The following HAUS4 variants were observed in gnomAD, a reference collection of about 807,000 sequenced individuals.
HAUS4 encodes the protein HAUS augmin like complex subunit 4.
In HAUS4, 34 loss-of-function variants were observed where a neutral mutation model predicts 50.6. The ratio of observed to expected loss-of-function variants is 0.67; its 90% CI spans 0.51 to 0.90. The LOEUF is 0.90. Among genes scored for constraint, HAUS4 ranks in the 40% least tolerant of loss-of-function variants. The pLI is 0.00. For missense variants in HAUS4, 370 were observed against 428.7 expected, an observed-to-expected ratio of 0.86 and a Z score of 1.21; for synonymous variants, 149 against 161.4, an observed-to-expected ratio of 0.92 and a Z score of 0.58.
chr14:22,952,867 T>C (rs2044782105), intron 2 of HAUS4, among the ~76,000 whole-genome samples, 184 bp from the exon 3 acceptor site: 1 of 152,168 alleles, frequency 6.6e-6, no homozygotes, highest in Non-Finnish European at 1.5e-5. Flanking sequence ...GTAACAAGCA[T>C]TTATATTATA....
chr14:22,946,806 T>C, intron 9 of HAUS4, 98 bp from the exon 10 acceptor site: 1 of 784,386 alleles, frequency 1.3e-6, no homozygotes, highest in South Asian at 2.1e-5. Flanking sequence ...TTTTGTCAGA[T>C]GGAGTCTCGC....
rs376281728 is a variant in HAUS4, at chr14:22,947,624, G to A, written c.816C>T (p.Cys272=). Residue 272 remains cysteine, a synonymous_variant, in exon 8 of 10, where the codon TGC becomes TGT. Transcript: ENST00000541587. ...RINAQYLEVK[C]GAMILKLRME... is the part of the protein sequence containing the mutation. ...ACCTCAGCTTAAGGATCATAGCACC[G>A]CACTTGACTTCCAGGTACTGGGCAT... is the stretch of plus-strand genomic sequence containing the variant. The A allele has an allele frequency of 2.5e-5, 41 of 1,613,994 alleles. No individual in the cohort carries two copies. Among genetic ancestry groups the A allele is most frequent in the African/African-American group, 6.7e-5 (5 of 74,922 alleles).
At position 22,947,995 on chromosome 14, in the gene HAUS4, A is replaced by T. The variant is rs1296350034; in HGVS notation, c.581T>A (p.Val194Glu). ...DPNSDADSET[V>E]KAAKVWKLAE... ...GAGTTTCCACACCTTTGCTGCCTTC[A>T]CGGTTTCACTGTCAGCATCTGAGCA... Residue 194 changes from valine (V) to glutamate (E), a missense_variant, in exon 7 of 10, where the codon GTG becomes GAG. By Grantham distance (121) the Val-to-Glu change is moderately radical (BLOSUM62 -2). Transcript: ENST00000541587. 6.2e-7 allele frequency: 1 copy of T among 1,612,084 alleles called. No individual in the cohort carries two copies. The highest frequency in any genetic ancestry group is 8.5e-7 in the Non-Finnish European group (1 of 1,179,196).
intron 1 of HAUS4, 176 bp downstream of exon 1, chr14:22,956,740 C>A (rs2044873301): frequency 6.6e-6 from 1 of 152,570 alleles, no homozygotes; most frequent in Non-Finnish European, 1.5e-5. Context: ...AAGATATGAC[C>A]CTTACAGGGC....
intron 4 of HAUS4, 47 bp downstream of exon 4, chr14:22,952,281 G>A (rs1239823555): frequency 1.3e-5 from 20 of 1,525,026 alleles, no homozygotes; most frequent in Non-Finnish European, 1.7e-5. Context: ...GGCTCCCAAA[G>A]TGCTGGGATT....
chr14:22,948,405 G>T (rs1373135577), intron 6 of HAUS4, among the ~76,000 whole-genome samples: 1 of 118,350 alleles, frequency 8.4e-6, no homozygotes, highest in African/African-American at 3.2e-5. Context: ...AGGTGTGATT[G>T]TACCACTGCA....
Position 22,951,663 on chromosome 14 carries a change from C to T in HAUS4, c.357G>A (p.Leu119=). 1 of 1,613,480 alleles carries T rather than the reference C, an allele frequency of 6.2e-7. No homozygotes were observed. The highest frequency in any genetic ancestry group is 2.2e-5 in the East Asian group (1 of 44,870). Residue 119 remains leucine (L), a synonymous_variant, in exon 5 of 10, where the codon CTG becomes CTA. Transcript: ENST00000541587. ...KKFHETLEQR[L]LVTELMRLLG... is the part of the protein sequence containing the mutation. ...AGAGCCGCATCAGTTCAGTTACAAG[C>T]AGCCGCTGTTCAAGGGTCTCATGAA... is the stretch of plus-strand genomic sequence containing the variant.
intron 4 of HAUS4, 22 bp downstream of exon 4, chr14:22,952,306 C>T: frequency 1.2e-6 from 2 of 1,607,822 alleles, no homozygotes; most frequent in Non-Finnish European, 1.7e-6. Context: ...GTGTTAGCCA[C>T]CACGCCCAGC....
At chr14:22,951,051 A>G (rs573409289) in intron 5 of HAUS4, among the ~76,000 whole-genome samples, 1 of 152,164 alleles carries the variant, frequency 6.6e-6, no homozygotes, top group African/African-American at 2.4e-5. Flanking sequence ...CCCAGGCTGG[A>G]GTACAGTGGC....
intron 1 of HAUS4, among the ~76,000 whole-genome samples, chr14:22,955,882 T>TG (rs2044853842): frequency 6.6e-6 from 1 of 151,888 alleles, no homozygotes; most frequent in Admixed American, 6.6e-5. Context: ...TGCCAGAACA[T>TG]GGAGTGCGCT....
intron 2 of HAUS4, among the ~76,000 whole-genome samples, chr14:22,953,833 T>G (rs1290638668): frequency 4.0e-5 from 6 of 151,594 alleles, no homozygotes; most frequent in African/African-American, 1.5e-4. Context: ...GGTTTCACCT[T>G]GTTAGCCAGG....
At chr14:22,946,763 G>A in intron 9 of HAUS4, 55 bp from the exon 10 acceptor site, 1 of 1,224,710 alleles carries the variant, frequency 8.2e-7, no homozygotes, top group Non-Finnish European at 1.1e-6. Context: ...TCAGAAAGTA[G>A]TGGACAAAAA....
At chr14:22,949,547 A>AAAAGAGAT (rs1361119756) in intron 6 of HAUS4, among the ~76,000 whole-genome samples, 286 of 151,788 alleles carry the variant, frequency 1.9e-3, no homozygotes, top group Non-Finnish European at 2.8e-3. Context: ...AAAAAAAAAA[A>AAAAGAGAT]AAAGAGATAC....
Position 22,947,294 on chromosome 14 carries a change from G to A in HAUS4, c.840-55C>T, listed in dbSNP as rs949103245. On this transcript the variant is annotated intron_variant, in intron 8 of 9. Transcript: ENST00000541587. ...CAGGAAGGTCCCTGATAGCAGCAGGGTTGGGAATGGACGTAGTACCTGCCG... is the reference window on the plus strand; with the variant it reads ...CAGGAAGGTCCCTGATAGCAGCAGGATTGGGAATGGACGTAGTACCTGCCG... 2.1e-5 allele frequency: 25 copies of A among 1,210,932 alleles called. No individual in the cohort carries two copies. In the Middle Eastern group the frequency reaches 5.7e-4, roughly 28 times the overall value. 75.0% of individuals were successfully genotyped at this position (1,210,932 alleles called of 1,614,324 possible).
At chr14:22,954,819 A>G (rs914718902) in intron 2 of HAUS4, 37 of 286,504 alleles carry the variant, frequency 1.3e-4, no homozygotes, top group African/African-American at 8.6e-4. Flanking sequence ...TCCGCCTCCC[A>G]GGTTCACACC....
rs773513754 is a variant in HAUS4 at position 22,952,526 on chromosome 14, T to C, written c.198+15A>G. 2.1e-5 allele frequency: 34 copies of C among 1,612,382 alleles called. No individual in the cohort carries two copies. In the Admixed American group the frequency reaches 2.3e-4, roughly 11 times the overall value. ...GATTTTCCCTTCTTCTTATCTCTTC[T>C]CCCAAAGCCCTTACCTGAGCCTGCT... On this transcript the variant is annotated intron_variant, in intron 3 of 9. Coordinates refer to ENST00000541587, the MANE Select transcript of HAUS4 (RefSeq NM_001166269.2).
chr14:22,947,813 A>C (rs1160072190), intron 7 of HAUS4, 55 bp downstream of exon 7: 1 of 1,610,108 alleles, frequency 6.2e-7, no homozygotes, highest in Non-Finnish European at 8.5e-7. Context: ...GTCTTCCCCA[A>C]AAGTGCTCCT....
At position 22,947,035 on chromosome 14, in the gene HAUS4, C is replaced by T. The variant is rs911192220; in HGVS notation, c.908+136G>A. On this transcript the variant is annotated intron_variant, in intron 9 of 9. Transcript: ENST00000541587. The stretch of plus-strand genomic sequence containing the variant: ...CCTGACTCAAGCGAGCTGCCCACCT[C>T]GGCCTCCCAAAGTGCTGGGATTACA... 3.7e-5 allele frequency: 25 copies of T among 674,644 alleles called. No individual in the cohort carries two copies. In the Middle Eastern group the frequency reaches 7.3e-4, roughly 20 times the overall value. The allele number at this position is 674,644 out of a possible 1,614,324, so 41.8% of individuals were successfully genotyped here. A position where few individuals can be genotyped will look rare whatever the true frequency, so the allele number is the denominator to read the frequency against.
chr14:22,952,616 G>C lies in HAUS4; in HGVS notation c.123C>G (p.Ser41Arg), dbSNP rs2044775690. 5 of 1,613,674 alleles carry C rather than the reference G, an allele frequency of 3.1e-6. No homozygotes were observed. Among genetic ancestry groups the C allele is most frequent in the Non-Finnish European group, 4.2e-6 (5 of 1,179,802 alleles). The change falls in exon 3 of 10, where the codon AGC becomes AGG. Residue 41 changes from serine to arginine, a missense_variant. Ser to Arg is a moderately radical substitution (Grantham distance 110). Transcript: ENST00000541587. Reference protein sequence around the residue: ...KEDLLQNPYFSKLLLNLSQHV... With the variant: ...KEDLLQNPYFRKLLLNLSQHV... Reference sequence around the variant, plus strand: ...GCTGTGAGAGATTCAGGAGAAGCTTGCTGAAGTATGGGTTCTGTAACAGGT... The same window carrying C: ...GCTGTGAGAGATTCAGGAGAAGCTTCCTGAAGTATGGGTTCTGTAACAGGT...
Sources: gnomAD v4.1 joint callset for allele counts (sites outside exome capture counted in the v4.1 genomes callset) on GRCh38, gnomAD v4.1.1 for gene constraint, MANE v1.5 for transcripts, NCBI Gene and HGNC (gene_info 2026-07-23, HGNC 2026-07-21) for gene names.